The following OR1J2 variants were observed in gnomAD, a reference collection of about 807,000 sequenced individuals.
The protein encoded by OR1J2 is olfactory receptor family 1 subfamily J member 2, also known as olfactory receptor 1J2.
For synonymous variants in OR1J2, 142 were observed against 99.7 expected, an observed-to-expected ratio of 1.42 and a Z score of -2.52; for missense variants, 304 against 246.1, an observed-to-expected ratio of 1.24 and a Z score of -1.57.
At chr9:122,545,512 C>G in the OR1J2 span, among the ~76,000 whole-genome samples, 1 of 152,056 alleles carries the variant, frequency 6.6e-6, no homozygotes. Flanking sequence ...TAAGATGCAA[C>G]CACATTTATT....
chr9:122,520,029 A>G, the OR1J2 span: 1 of 1,614,220 alleles, frequency 6.2e-7, no homozygotes. Flanking sequence ...GAACAGGGAC[A>G]TAAAGGGAGC....
chr9:122,511,998 A>G (rs891422953), downstream of OR1J2, among the ~76,000 whole-genome samples: 1 of 152,210 alleles, frequency 6.6e-6, no homozygotes, highest in African/African-American at 2.4e-5. Context: ...ATAATAATGC[A>G]ATAATATACA....
chr9:122,526,927 C>G, the OR1J2 span: 2 of 1,614,152 alleles, frequency 1.2e-6, no homozygotes, highest in Non-Finnish European at 1.7e-6. Flanking sequence ...TGGCAAATGG[C>G]CACATAGCGG....
the OR1J2 span, among the ~76,000 whole-genome samples, chr9:122,504,662 T>G: frequency 1.3e-5 from 2 of 152,178 alleles, no homozygotes; most frequent in African/African-American, 4.8e-5. Context: ...CATTTCTCTG[T>G]CTGTAATGCG....
In OR1J2 at chr9:122,511,710, A is replaced by G. The variant is rs77931552; in HGVS notation, c.909A>G (p.Lys303=). ...RNRDMKEALG[K]LFSRATFFSW is the part of the protein sequence containing the mutation. Reference sequence around the variant, plus strand: ...GGGACATGAAAGAGGCCCTTGGGAAACTCTTCAGTAGAGCAACATTTTTCT... The same window carrying G: ...GGGACATGAAAGAGGCCCTTGGGAAGCTCTTCAGTAGAGCAACATTTTTCT... Residue 303 remains lysine (K), a synonymous_variant, in exon 1 of 1, where the codon AAA becomes AAG. Transcript: ENST00000335302. The G allele has an allele frequency of 4.2e-4, 324 of 779,598 alleles. 1 individual carries two copies. In the African/African-American group the frequency reaches 4.4e-3, roughly 11 times the overall value. 48.3% of individuals were successfully genotyped at this position (779,598 alleles called of 1,614,324 possible).
chr9:122,483,103 C>T, the OR1J2 span, among the ~76,000 whole-genome samples: 1 of 152,050 alleles, frequency 6.6e-6, no homozygotes, highest in Non-Finnish European at 1.5e-5. Context: ...TCACACTGTA[C>T]CCCATAAGTA....
At chr9:122,493,713 C>T in the OR1J2 span, among the ~76,000 whole-genome samples, 1 of 151,898 alleles carries the variant, frequency 6.6e-6, no homozygotes, top group Non-Finnish European at 1.5e-5. Context: ...CTTTGGTCTT[C>T]GTTATTTCTT....
chr9:122,525,222 A>G, the OR1J2 span, among the ~76,000 whole-genome samples: 2 of 152,204 alleles, frequency 1.3e-5, no homozygotes, highest in Non-Finnish European at 2.9e-5. Flanking sequence ...ATCCTCGCGT[A>G]CTAAGATGTG....
chr9:122,454,836 GTTAT>G, the OR1J2 span, among the ~76,000 whole-genome samples: 1 of 152,320 alleles, frequency 6.6e-6, no homozygotes, highest in Non-Finnish European at 1.5e-5. Context: ...GCACAGTCAA[GTTAT>G]TTATTTGTTT....
At chr9:122,553,192 G>C in the OR1J2 span, 4 of 1,611,764 alleles carry the variant, frequency 2.5e-6, no homozygotes, top group South Asian at 4.4e-5. Flanking sequence ...TATCTGCGCA[G>C]ATCACACGAA....
At chr9:122,554,005 C>T in the OR1J2 span, 29 of 1,613,760 alleles carry the variant, frequency 1.8e-5, 1 homozygote, top group African/African-American at 1.7e-4. Context: ...TATTTACTTC[C>T]TCCATCAACT....
the OR1J2 span, among the ~76,000 whole-genome samples, chr9:122,457,805 T>G: frequency 1.3e-5 from 2 of 152,264 alleles, no homozygotes; most frequent in Non-Finnish European, 2.9e-5. Flanking sequence ...AAATGGTACA[T>G]TTTTTGTTTG....
At chr9:122,504,673 T>C in the OR1J2 span, among the ~76,000 whole-genome samples, 1 of 152,172 alleles carries the variant, frequency 6.6e-6, no homozygotes, top group Non-Finnish European at 1.5e-5. Context: ...CTGTAATGCG[T>C]CAGACTTTAG....
chr9:122,464,145 C>T, the OR1J2 span, among the ~76,000 whole-genome samples: 7 of 152,062 alleles, frequency 4.6e-5, no homozygotes, highest in Non-Finnish European at 8.8e-5. Flanking sequence ...AGTGTGGTTC[C>T]CAGGCCAATG....
the OR1J2 span, among the ~76,000 whole-genome samples, chr9:122,481,147 G>A: frequency 0.041 from 6,216 of 152,098 alleles, 134 homozygotes; most frequent in Middle Eastern, 0.092. Context: ...ATGTGTCCAT[G>A]TGTTCTCATC....
At chr9:122,451,365 A>T in the OR1J2 span, among the ~76,000 whole-genome samples, 1 of 151,820 alleles carries the variant, frequency 6.6e-6, no homozygotes, top group Admixed American at 6.6e-5. Context: ...TTGTATTTTT[A>T]GTAGAGATGG....
chr9:122,494,564 ATG>A, the OR1J2 span, among the ~76,000 whole-genome samples: 1 of 152,124 alleles, frequency 6.6e-6, no homozygotes, highest in Non-Finnish European at 1.5e-5. Flanking sequence ...CCTTAAGTGT[ATG>A]TGAGTCCTTA....
chr9:122,547,949 C>T, the OR1J2 span, among the ~76,000 whole-genome samples: 1 of 152,146 alleles, frequency 6.6e-6, no homozygotes, highest in African/African-American at 2.4e-5. Context: ...TCCCCACCAA[C>T]ATCTATTATT....
chr9:122,536,191 ACTTT>A, the OR1J2 span, among the ~76,000 whole-genome samples: 1 of 152,166 alleles, frequency 6.6e-6, no homozygotes, highest in Non-Finnish European at 1.5e-5. Context: ...GCAAAAATGA[ACTTT>A]CTGTGTAAAT....
Sources: allele counts gnomAD v4.1 joint callset (sites outside exome capture counted in the v4.1 genomes callset), GRCh38; gene constraint gnomAD v4.1.1; transcripts MANE v1.5; gene names NCBI Gene and HGNC (gene_info 2026-07-23, HGNC 2026-07-21).